Variants in EXTL3 observed in about 807,000 individuals in gnomAD.
The protein encoded by EXTL3 is exostosin like glycosyltransferase 3, also known as exostosin-like 3.
Under a neutral mutation model 69.3 loss-of-function variants are expected in EXTL3, and 27 were observed. That is an observed-to-expected ratio of 0.39 (90% CI 0.29 to 0.54). The LOEUF is 0.54. Ranked by LOEUF, EXTL3 falls within the 20% of genes least tolerant of loss-of-function variation. EXTL3 has a pLI of 0.69. For missense variants in EXTL3, 1,003 were observed against 1,231.8 expected (o/e 0.81, Z 2.78); for synonymous variants, 511 against 499.4 (o/e 1.02, Z -0.31).
chr8:28,638,282 C>T (rs1444466339), intron 1 of EXTL3, among the ~76,000 whole-genome samples: 1 of 152,168 alleles, frequency 6.6e-6, no homozygotes, highest in Non-Finnish European at 1.5e-5. Context: ...GTTTATGGAG[C>T]TATTTATGGT....
intron 1 of EXTL3, among the ~76,000 whole-genome samples, chr8:28,653,227 G>A (rs1293817455): frequency 6.6e-6 from 1 of 152,030 alleles, no homozygotes; most frequent in African/African-American, 2.4e-5. Flanking sequence ...GATTGTTTTT[G>A]TGTTGTTCAG....
intron 3 of EXTL3, 33 bp downstream of exon 3, chr8:28,718,240 A>T (rs758834670): frequency 1.5e-5 from 24 of 1,593,372 alleles, no homozygotes; most frequent in Non-Finnish European, 2.0e-5. Flanking sequence ...GTTTTGGTGC[A>T]TGAAATAGTA....
At chr8:28,654,854 C>A (rs1806980756) in intron 1 of EXTL3, among the ~76,000 whole-genome samples, 1 of 152,204 alleles carries the variant, frequency 6.6e-6, no homozygotes, top group Non-Finnish European at 1.5e-5. Context: ...CTCTTGACTT[C>A]ATTCTTCAGG....
intron 1 of EXTL3, among the ~76,000 whole-genome samples, chr8:28,646,393 G>A (rs1806831579): frequency 6.6e-6 from 1 of 152,156 alleles, no homozygotes; most frequent in African/African-American, 2.4e-5. Flanking sequence ...GTGAGAACAG[G>A]TGACTTGGAT....
At chr8:28,636,560 T>A (rs1025700909) in intron 1 of EXTL3, among the ~76,000 whole-genome samples, 37 of 152,192 alleles carry the variant, frequency 2.4e-4, no homozygotes, top group African/African-American at 8.2e-4. Flanking sequence ...GGGTGATTGC[T>A]GAGCTCTCAA....
chr8:28,624,257 T>A (rs1465510791), intron 1 of EXTL3, among the ~76,000 whole-genome samples: 1 of 152,224 alleles, frequency 6.6e-6, no homozygotes, highest in Non-Finnish European at 1.5e-5. Flanking sequence ...CATCTCACGT[T>A]AATATTCATT....
intron 1 of EXTL3, chr8:28,631,388 T>C (rs1806568461): frequency 6.6e-6 from 1 of 152,180 alleles, no homozygotes; most frequent in African/African-American, 2.4e-5. Flanking sequence ...GGAAGTTACC[T>C]GGCGATGAGT....
At chr8:28,611,878 C>T (rs762276059) in intron 2 of EXTL3, among the ~76,000 whole-genome samples, 3 of 152,162 alleles carry the variant, frequency 2.0e-5, no homozygotes, top group Admixed American at 6.5e-5. Context: ...CGATGCCAGC[C>T]GCTGTCACCC....
At chr8:28,702,258 C>G (rs1381435214) in intron 1 of EXTL3, among the ~76,000 whole-genome samples, 1 of 152,206 alleles carries the variant, frequency 6.6e-6, no homozygotes, top group Non-Finnish European at 1.5e-5. Context: ...GGAGCCGCTT[C>G]CTGTCCGAGG....
chr8:28,713,691 A>G, intron 2 of EXTL3, 141 bp downstream of exon 2: 1 of 612,382 alleles, frequency 1.6e-6, no homozygotes, highest in East Asian at 2.8e-5. Context: ...CATTTGAATC[A>G]CAAGGATAAT....
intron 2 of EXTL3, among the ~76,000 whole-genome samples, chr8:28,616,696 TA>T (rs1282788066): frequency 6.6e-6 from 1 of 151,948 alleles, no homozygotes; most frequent in Non-Finnish European, 1.5e-5. Flanking sequence ...CCTGAATGCT[TA>T]AGAGTTTTCC....
chr8:28,726,923 G>T (rs1443934917), intron 3 of EXTL3, among the ~76,000 whole-genome samples: 5 of 134,110 alleles, frequency 3.7e-5, no homozygotes, highest in African/African-American at 1.5e-4. Context: ...CTGTTGCCCA[G>T]CGTGGAGTGC....
rs779358260 is a variant in EXTL3, at chr8:28,718,156, C to G, written c.2097C>G (p.Pro699=). 9.9e-6 allele frequency: 16 copies of G among 1,614,178 alleles called. No individual in the cohort carries two copies. The highest frequency in any genetic ancestry group is 1.4e-5 in the Non-Finnish European group (16 of 1,180,026). ...AGGTCGTGGTGGTGTGGAATTCTCC[C>G]AAGCTGCCATCAGAGGACCTTCTGT... The part of the protein sequence containing the change: ...LNKVVVVWNS[P]KLPSEDLLWP... Residue 699 remains proline, a synonymous_variant, in exon 3 of 7, where the codon CCC becomes CCG. Coordinates refer to ENST00000220562, the MANE Select transcript of EXTL3 (RefSeq NM_001440.4).
At chr8:28,613,604 A>G (rs1806296916) in intron 2 of EXTL3, among the ~76,000 whole-genome samples, 2 of 152,314 alleles carry the variant, frequency 1.3e-5, no homozygotes, top group Non-Finnish European at 2.9e-5. Flanking sequence ...TAGTGAAACC[A>G]TCTGGGCCTG....
At chr8:28,748,931 A>C (rs1269842461) in intron 6 of EXTL3, among the ~76,000 whole-genome samples, 2 of 152,162 alleles carry the variant, frequency 1.3e-5, no homozygotes, top group African/African-American at 4.8e-5. Context: ...CAATATGGGG[A>C]GTCCCCAGGG....
chr8:28,627,701 C>T (rs1585220381), intron 1 of EXTL3, among the ~76,000 whole-genome samples: 1 of 152,162 alleles, frequency 6.6e-6, no homozygotes, highest in African/African-American at 2.4e-5. Flanking sequence ...TGTTCATGGA[C>T]AGATGAATGG....
chr8:28,658,108 G>T (rs1259206447), intron 1 of EXTL3, among the ~76,000 whole-genome samples: 1 of 152,208 alleles, frequency 6.6e-6, no homozygotes, highest in African/African-American at 2.4e-5. Flanking sequence ...ACACAGGGCT[G>T]CCCGTGCAGA....
chr8:28,716,717 G>T lies in EXTL3; in HGVS notation c.658G>T (p.Ala220Ser), dbSNP rs139144293. 67 of 1,614,076 alleles carry T rather than the reference G, an allele frequency of 4.2e-5. 1 individual carries two copies. The African/African-American group carries it at 6.5e-4, about 16-fold the overall frequency. The change falls in exon 3 of 7, where the codon GCG becomes TCG. Residue 220 changes from alanine (A) to serine (S), a missense_variant. Transcript: ENST00000220562. This position sits in a 1 kb window ranked among gnomAD's most constrained non-coding sequence, Gnocchi z 7.1. ...TCCCTTGGTCAAGCAGGCTTTTCAG[G>T]CGACAGCACGAGCTAACGTTTATGT... ...LDPLVKQAFQ[A>S]TARANVYVTE...
intron 1 of EXTL3, among the ~76,000 whole-genome samples, chr8:28,648,859 C>T (rs1467966381): frequency 1.3e-5 from 2 of 151,892 alleles, no homozygotes; most frequent in African/African-American, 4.8e-5. Flanking sequence ...GGACTGTAGG[C>T]GTGCACCACC....
Sources: allele counts gnomAD v4.1 joint callset (sites outside exome capture counted in the v4.1 genomes callset), GRCh38; gene constraint gnomAD v4.1.1; non-coding constraint Gnocchi (gnomAD v3.1); transcripts MANE v1.5; gene names NCBI Gene and HGNC (gene_info 2026-07-23, HGNC 2026-07-21).